Variants in SDC2 observed in about 807,000 individuals in gnomAD.
SDC2 encodes syndecan 2, also known as syndecan-2.
Under a neutral mutation model 22.2 loss-of-function variants are expected in SDC2, and 13 were observed. The ratio of observed to expected loss-of-function variants is 0.59; its 90% CI spans 0.38 to 0.93. The LOEUF is 0.93. Ranked by LOEUF, SDC2 falls within the 40% of genes least tolerant of loss-of-function variation. The pLI, the probability that SDC2 is intolerant of heterozygous loss-of-function variation, is 0.00. For missense variants in SDC2, 235 were observed against 246.8 expected, an observed-to-expected ratio of 0.95 and a Z score of 0.32; for synonymous variants, 94 against 92.8, an observed-to-expected ratio of 1.01 and a Z score of -0.07.
chr8:96,499,732 CA>C (rs1220593559), intron 1 of SDC2, among the ~76,000 whole-genome samples: 1 of 150,544 alleles, frequency 6.6e-6, no homozygotes, highest in Non-Finnish European at 1.5e-5. Context: ...GAAGATAGGA[CA>C]TTTTTTTTTC....
In SDC2 at chr8:96,494,016, T is replaced by A; in HGVS notation, c.-256T>A. The A allele has an allele frequency of 1.9e-6, 1 of 530,570 alleles. No individual in the cohort carries two copies. The highest frequency in any genetic ancestry group is 3.3e-6 in the Non-Finnish European group (1 of 304,574). 32.9% of individuals were successfully genotyped at this position (530,570 alleles called of 1,614,324 possible). On this transcript the variant is annotated 5_prime_UTR_variant, in exon 1 of 5. Transcript: ENST00000302190. Reference sequence around the variant, plus strand: ...AGAGCAGCCTTCCCGGAGCACCAACTCCGTGTCGGGAGTGCAGAAACCAAC... The same window carrying A: ...AGAGCAGCCTTCCCGGAGCACCAACACCGTGTCGGGAGTGCAGAAACCAAC...
At chr8:96,549,729 T>A (rs952264286) in intron 1 of SDC2, among the ~76,000 whole-genome samples, 1 of 152,244 alleles carries the variant, frequency 6.6e-6, no homozygotes, top group Non-Finnish European at 1.5e-5. Flanking sequence ...TGTTTGCATA[T>A]TTCCAAATGC....
chr8:96,496,952 T>C (rs2130411791), intron 1 of SDC2, among the ~76,000 whole-genome samples: 1 of 152,332 alleles, frequency 6.6e-6, no homozygotes, highest in Admixed American at 6.5e-5. Flanking sequence ...AAAATCTGAC[T>C]GAGTGTGGCA....
At chr8:96,553,336 TA>T (rs1468786653) in intron 1 of SDC2, among the ~76,000 whole-genome samples, 3 of 152,174 alleles carry the variant, frequency 2.0e-5, no homozygotes, top group East Asian at 1.9e-4. Flanking sequence ...TATTGGATTT[TA>T]ATATTGTTTT....
intron 1 of SDC2, among the ~76,000 whole-genome samples, chr8:96,582,431 G>A (rs1306428465): frequency 1.3e-5 from 2 of 152,156 alleles, no homozygotes; most frequent in African/African-American, 4.8e-5. Context: ...TTTGAAATTG[G>A]TGGTCTCGTC....
intron 3 of SDC2, among the ~76,000 whole-genome samples, chr8:96,605,683 G>A (rs1815066517): frequency 2.0e-5 from 3 of 152,156 alleles, no homozygotes; most frequent in Admixed American, 6.5e-5. Context: ...GTAGTACAGG[G>A]TTTCTTGCAA....
intron 1 of SDC2, among the ~76,000 whole-genome samples, chr8:96,549,542 A>T (rs1168295013): frequency 6.6e-6 from 1 of 152,196 alleles, no homozygotes; most frequent in African/African-American, 2.4e-5. Flanking sequence ...TTTGGCCCCT[A>T]ATAGGCTAAC....
In SDC2 at chr8:96,585,684, C is replaced by G. The variant is rs1379700067; in HGVS notation, c.61-7796C>G. Among the ~76,000 whole-genome samples, 9 of 152,282 alleles carry G rather than the reference C, an allele frequency of 5.9e-5. No individual in the cohort carries two copies. In the East Asian group the frequency reaches 1.7e-3, roughly 29 times the overall value. On this transcript the variant is annotated intron_variant, in intron 1 of 4. Coordinates refer to ENST00000302190, the MANE Select transcript of SDC2 (RefSeq NM_002998.4). Reference sequence around the variant, plus strand: ...TTTACCCAACAAACCACTTACTGCACTAGGTACTGTTCTGTAGAATGAATA... The same window carrying G: ...TTTACCCAACAAACCACTTACTGCAGTAGGTACTGTTCTGTAGAATGAATA...
chr8:96,569,856 G>T (rs190735828), intron 1 of SDC2, among the ~76,000 whole-genome samples: 2 of 152,210 alleles, frequency 1.3e-5, no homozygotes, highest in South Asian at 4.2e-4. Context: ...TCCTGGAGGC[G>T]GTGGGGACTG....
intron 1 of SDC2, among the ~76,000 whole-genome samples, chr8:96,547,532 C>T (rs1407985533): frequency 2.0e-5 from 3 of 152,098 alleles, no homozygotes; most frequent in African/African-American, 7.2e-5. Context: ...CACCTCATCA[C>T]GGTATTCAGT....
intron 1 of SDC2, among the ~76,000 whole-genome samples, chr8:96,569,748 A>G (rs899732178): frequency 3.3e-5 from 5 of 152,214 alleles, no homozygotes; most frequent in Admixed American, 1.3e-4. Context: ...TTCTAGTTGA[A>G]GAACCTGAGG....
intron 1 of SDC2, among the ~76,000 whole-genome samples, chr8:96,522,568 T>C (rs1586278485): frequency 2.0e-5 from 3 of 152,222 alleles, no homozygotes; most frequent in South Asian, 4.1e-4. Context: ...AGAAACACTT[T>C]CTCAAAGCTG....
chr8:96,602,520 C>T lies in SDC2; in HGVS notation c.298C>T (p.Gln100Ter), dbSNP rs200349589. ...GAATATACAGAACAAGATACCTGCT[C>T]AGACAAAGGTGCGTTCTATTTTCCA... is the stretch of plus-strand genomic sequence containing the variant. Reference protein sequence around the residue: ...TLNIQNKIPAQTKSPEETDKE... With the variant: ...TLNIQNKIPA Residue 100 changes from glutamine to a stop codon, truncating the protein, a stop_gained, in exon 3 of 5, where the codon CAG becomes TAG. Coordinates refer to ENST00000302190, the MANE Select transcript of SDC2 (RefSeq NM_002998.4). LOFTEE classifies it high-confidence loss of function. The T allele has an allele frequency of 6.2e-7, 1 of 1,614,030 alleles. No homozygotes were observed. Among genetic ancestry groups the T allele is most frequent in the Non-Finnish European group, 8.5e-7 (1 of 1,179,942 alleles).
chr8:96,607,768 C>A (rs377732762), intron 3 of SDC2, among the ~76,000 whole-genome samples: 188 of 152,170 alleles, frequency 1.2e-3, no homozygotes, highest in African/African-American at 4.3e-3. Context: ...GAGCTACTTG[C>A]GCAATCCAAG....
intron 1 of SDC2, among the ~76,000 whole-genome samples, chr8:96,559,473 G>T (rs535775932): frequency 1.3e-5 from 2 of 152,318 alleles, no homozygotes; most frequent in East Asian, 1.9e-4. Context: ...TTTCTGAAGA[G>T]AAGAGTGAAA....
intron 1 of SDC2, among the ~76,000 whole-genome samples, chr8:96,526,436 A>C (rs1813579285): frequency 6.6e-6 from 1 of 151,102 alleles, no homozygotes; most frequent in Non-Finnish European, 1.5e-5. Flanking sequence ...GGAGGGACCA[A>C]ATATTTTATA....
intron 1 of SDC2, among the ~76,000 whole-genome samples, chr8:96,505,075 T>C (rs1813219348): frequency 6.6e-6 from 1 of 152,164 alleles, no homozygotes; most frequent in South Asian, 2.1e-4. Flanking sequence ...CCATTTTCAC[T>C]TCTTTTGTGG....
intron 1 of SDC2, among the ~76,000 whole-genome samples, chr8:96,576,610 G>A (rs2704265): frequency 0.039 from 5,550 of 143,462 alleles, 400 homozygotes; most frequent in African/African-American, 0.14. Context: ...TAGTAGAGAC[G>A]GGGTTTCACC....
intron 2 of SDC2, among the ~76,000 whole-genome samples, chr8:96,596,587 A>G (rs1403513854): frequency 6.6e-6 from 1 of 152,230 alleles, no homozygotes; most frequent in Admixed American, 6.5e-5. Context: ...AAGAAATACA[A>G]ACATGAGAAA....
Sources: allele counts gnomAD v4.1 joint callset (sites outside exome capture counted in the v4.1 genomes callset), GRCh38; gene constraint gnomAD v4.1.1; transcripts MANE v1.5; gene names NCBI Gene and HGNC (gene_info 2026-07-23, HGNC 2026-07-21).